Variants in DRAM1 observed in about 807,000 individuals in gnomAD.
DRAM1 encodes the protein DNA damage regulated autophagy modulator 1.
Under a neutral mutation model 28.5 loss-of-function variants are expected in DRAM1, and 25 were observed. The ratio of observed to expected loss-of-function variants is 0.88; its 90% CI spans 0.64 to 1.23. DRAM1 has a LOEUF of 1.23. DRAM1 is among the 50% of genes most tolerant of loss of function. DRAM1 has a pLI of 0.00. For missense variants in DRAM1, 249 were observed against 299.2 expected, an observed-to-expected ratio of 0.83 and a Z score of 1.24; for synonymous variants, 113 against 114.2, an observed-to-expected ratio of 0.99 and a Z score of 0.07.
intron 2 of DRAM1, among the ~76,000 whole-genome samples, chr12:101,899,931 T>G (rs771812309): frequency 4.6e-5 from 7 of 152,248 alleles, no homozygotes; most frequent in Non-Finnish European, 1.0e-4. Context: ...TTTAAATATA[T>G]CTTTGCATAT....
chr12:101,878,368 C>A (rs1192121977), intron 1 of DRAM1, among the ~76,000 whole-genome samples: 1 of 152,178 alleles, frequency 6.6e-6, no homozygotes, highest in Non-Finnish European at 1.5e-5. Flanking sequence ...CGCAAGCGAG[C>A]GGTGGTGTAA....
intron 2 of DRAM1, among the ~76,000 whole-genome samples, chr12:101,901,080 T>G (rs1488790453): frequency 0.021 from 4 of 190 alleles, no homozygotes; most frequent in Admixed American, 0.12. Context: ...AGCCAAGGGG[T>G]GTGTGTGTGT....
At chr12:101,904,283 A>C (rs1031431859) in intron 3 of DRAM1, among the ~76,000 whole-genome samples, 2 of 151,598 alleles carry the variant, frequency 1.3e-5, no homozygotes, top group African/African-American at 4.9e-5. Flanking sequence ...CATCGTGCCC[A>C]GCCTATAAAC....
At chr12:101,878,302 A>G (rs748714359) in intron 1 of DRAM1, among the ~76,000 whole-genome samples, 1 of 152,096 alleles carries the variant, frequency 6.6e-6, no homozygotes, top group Non-Finnish European at 1.5e-5. Context: ...AACAGCCACT[A>G]TTTTCACTTC....
chr12:101,878,843 C>T (rs1298085270), intron 1 of DRAM1, among the ~76,000 whole-genome samples: 6 of 152,158 alleles, frequency 3.9e-5, no homozygotes, highest in South Asian at 4.1e-4. Context: ...AAATGTAGGG[C>T]GTCTTCTTCC....
Position 101,921,209 on chromosome 12 carries a change from A to C in DRAM1, c.673-7A>C. The C allele has an allele frequency of 6.3e-7, 1 of 1,591,676 alleles. No individual in the cohort carries two copies. Among genetic ancestry groups the C allele is most frequent in the East Asian group, 2.2e-5 (1 of 44,734 alleles). On this transcript the variant is annotated splice_polypyrimidine_tract_variant and splice_region_variant and intron_variant, in intron 6 of 6. Transcript: ENST00000258534. ...TTTAAACCTTTCTCTTTCATTTTTA[A>C]AAATAGAGTGTCACCCTAAGGATAT...
rs1872539851 is a variant in DRAM1 at position 101,877,770 on chromosome 12, T to TCGGCGGCGTCGG, written c.-12_-11insTCGGCGGCGGCG. 1 of 1,475,222 alleles carries TCGGCGGCGTCGG rather than the reference T, an allele frequency of 6.8e-7. No individual in the cohort carries two copies. Among genetic ancestry groups the TCGGCGGCGTCGG allele is most frequent in the African/African-American group, 1.5e-5 (1 of 68,928 alleles). 91.4% of individuals were successfully genotyped at this position (1,475,222 alleles called of 1,614,324 possible). A position where few individuals can be genotyped will look rare whatever the true frequency, so the allele number is the denominator to read the frequency against. On this transcript the variant is annotated 5_prime_UTR_variant, in exon 1 of 7. Coordinates refer to ENST00000258534, the MANE Select transcript of DRAM1 (RefSeq NM_018370.3). This position sits in a 1 kb window ranked among gnomAD's most constrained non-coding sequence, Gnocchi z 4.1. ...CGGCCCCGCTGGGCGCAGCACTCCG[T>TCGGCGGCGTCGG]CGGCGGCGGCGGCGGCGCGATGCTG...
At position 101,878,184 on chromosome 12, in the gene DRAM1, C is replaced by G. The variant is rs11111069; in HGVS notation, c.131+264C>G. Reference sequence around the variant, plus strand: ...CAGGATAGATGGTAGAGCTTTCATTCTGGGTATGGGACAGAATCTCAGCAG... The same window carrying G: ...CAGGATAGATGGTAGAGCTTTCATTGTGGGTATGGGACAGAATCTCAGCAG... On this transcript the variant is annotated intron_variant, in intron 1 of 6. Coordinates refer to ENST00000258534, the MANE Select transcript of DRAM1 (RefSeq NM_018370.3). Among the ~76,000 whole-genome samples the G allele has an allele frequency of 0.27, 41,474 of 151,944 alleles. 6,210 individuals carry two copies. Among genetic ancestry groups the G allele is most frequent in the East Asian group, 0.43 (2,227 of 5,160 alleles).
intron 3 of DRAM1, among the ~76,000 whole-genome samples, 174 bp from the exon 4 acceptor site, chr12:101,908,012 G>A (rs1873888453): frequency 6.6e-6 from 1 of 152,058 alleles, no homozygotes; most frequent in Non-Finnish European, 1.5e-5. Flanking sequence ...CAACTTTTTG[G>A]CATTAATTTC....
At chr12:101,914,498 T>TTC (rs1381464242) in intron 5 of DRAM1, among the ~76,000 whole-genome samples, 1 of 151,542 alleles carries the variant, frequency 6.6e-6, no homozygotes, top group African/African-American at 2.4e-5. Flanking sequence ...TTTTTTTTTT[T>TTC]TTGAGACAGA....
intron 1 of DRAM1, among the ~76,000 whole-genome samples, chr12:101,878,760 C>G (rs1426872713): frequency 6.6e-6 from 1 of 152,122 alleles, no homozygotes; most frequent in Admixed American, 6.5e-5. Context: ...AGTGTGACCC[C>G]TCTGGACAGG....
chr12:101,917,786 C>A (rs1874313162), intron 5 of DRAM1, among the ~76,000 whole-genome samples: 1 of 146,468 alleles, frequency 6.8e-6, no homozygotes, highest in Non-Finnish European at 1.5e-5. Flanking sequence ...AGGTTTTTTT[C>A]TTTCTTATAT....
chr12:101,883,377 C>T (rs145682782), intron 1 of DRAM1, among the ~76,000 whole-genome samples: 7,399 of 148,438 alleles, frequency 0.05, 634 homozygotes, highest in African/African-American at 0.17. Context: ...TACAATGGCA[C>T]GATCTCGGCT....
intron 3 of DRAM1, among the ~76,000 whole-genome samples, chr12:101,906,186 C>T (rs534928650): frequency 1.3e-5 from 2 of 152,132 alleles, no homozygotes; most frequent in African/African-American, 2.4e-5. Flanking sequence ...CAATTTCTCC[C>T]CTTATTTCTA....
chr12:101,902,524 A>C (rs1218043912), intron 3 of DRAM1, among the ~76,000 whole-genome samples: 1 of 152,220 alleles, frequency 6.6e-6, no homozygotes, highest in Non-Finnish European at 1.5e-5. Flanking sequence ...GAGTGGTATA[A>C]TTTGTCTAGT....
intron 4 of DRAM1, among the ~76,000 whole-genome samples, chr12:101,911,151 G>A (rs560809547): frequency 1.2e-4 from 18 of 152,242 alleles, no homozygotes; most frequent in African/African-American, 4.3e-4. Flanking sequence ...GAGGAGAATC[G>A]CTTGAACCAG....
intron 5 of DRAM1, among the ~76,000 whole-genome samples, chr12:101,917,935 C>A (rs763565525): frequency 3.6e-4 from 55 of 152,164 alleles, no homozygotes; most frequent in Non-Finnish European, 6.8e-4. Context: ...GACCTTCTAT[C>A]ACAAACCCGC....
At chr12:101,914,904 C>T (rs536919002) in intron 5 of DRAM1, among the ~76,000 whole-genome samples, 4 of 152,162 alleles carry the variant, frequency 2.6e-5, no homozygotes, top group Middle Eastern at 3.4e-3. Context: ...GTGATCCCCC[C>T]GTCTCGGCCT....
chr12:101,911,053 T>C (rs1380869520), intron 4 of DRAM1, among the ~76,000 whole-genome samples: 1 of 151,972 alleles, frequency 6.6e-6, no homozygotes, highest in Non-Finnish European at 1.5e-5. Flanking sequence ...CTGGCCAACA[T>C]GGTGAAATCT....
Sources: allele counts gnomAD v4.1 joint callset (sites outside exome capture counted in the v4.1 genomes callset), GRCh38; gene constraint gnomAD v4.1.1; non-coding constraint Gnocchi (gnomAD v3.1); transcripts MANE v1.5; gene names NCBI Gene and HGNC (gene_info 2026-07-23, HGNC 2026-07-21).